The following ZNF883 variants were observed in gnomAD, a reference collection of about 807,000 sequenced individuals.
The protein encoded by ZNF883 is zinc finger protein 883.
chr9:113,006,097 T>TAA lies in ZNF883; in HGVS notation n.166-4026_166-4025dup, dbSNP rs33952027. Among the ~76,000 whole-genome samples, 260 of 144,380 alleles carry TAA rather than the reference T, an allele frequency of 1.8e-3. 1 individual carries two copies. Among genetic ancestry groups the TAA allele is most frequent in the African/African-American group, 6.3e-3 (245 of 39,108 alleles). 94.7% of individuals were successfully genotyped at this position (144,380 alleles called of 152,430 possible). On this transcript the variant is annotated intron_variant and non_coding_transcript_variant, in intron 2 of 4. Coordinates refer to the ZNF883 transcript ENST00000638622. ...CTCTAAAAGTTCAAGCATGAAAAAT[T>TAA]AAAAAAAAAAAAGAAACCAGCCTAA...
At chr9:112,997,046 C>G, downstream of ZNF883, 1 of 1,404,646 alleles carries the variant, frequency 7.1e-7, no homozygotes. Context: ...CATAACAATC[C>G]TAGGGTTGCT....
exon 1 of ZNF883, chr9:112,997,535 C>A: frequency 6.2e-7 from 1 of 1,614,136 alleles, no homozygotes; most frequent in African/African-American, 1.3e-5. Flanking sequence ...GGCCTTTCCA[C>A]ATGCATTACA....
upstream of ZNF883, among the ~76,000 whole-genome samples, chr9:113,001,451 T>C (rs1019052502): frequency 1.3e-5 from 2 of 152,084 alleles, no homozygotes; most frequent in Admixed American, 6.6e-5. Context: ...TCAAGAGATA[T>C]GTGAGAAGAT....
At chr9:112,996,604 A>C (rs1271477096), downstream of ZNF883, among the ~76,000 whole-genome samples, 5 of 150,604 alleles carry the variant, frequency 3.3e-5, no homozygotes, top group Non-Finnish European at 7.4e-5. Flanking sequence ...ATCCTGGCTA[A>C]CACGGTGAAA....
intron 1 of ZNF883, among the ~76,000 whole-genome samples, chr9:112,989,519 T>C (rs919812683): frequency 2.0e-5 from 3 of 152,252 alleles, no homozygotes. Context: ...GTTTGGTTAC[T>C]GTAGCCTCAT....
chr9:113,007,684 T>C (rs1828491863), intron 2 of ZNF883, among the ~76,000 whole-genome samples: 1 of 152,346 alleles, frequency 6.6e-6, no homozygotes, highest in South Asian at 2.1e-4. Flanking sequence ...CTTCTTGCTC[T>C]CTAAACCTCA....
chr9:112,993,444 G>A (rs1451581300), downstream of ZNF883, among the ~76,000 whole-genome samples: 1 of 152,206 alleles, frequency 6.6e-6, no homozygotes, highest in Non-Finnish European at 1.5e-5. Context: ...TTCTGTCTCA[G>A]AGGGGCACCA....
intron 2 of ZNF883, among the ~76,000 whole-genome samples, chr9:113,006,012 AAAC>A (rs1392921068): frequency 2.0e-5 from 3 of 152,262 alleles, no homozygotes; most frequent in Non-Finnish European, 2.9e-5. Context: ...AGGAGAAAGT[AAAC>A]AACAGGTAAC....
chr9:113,010,846 C>T (rs1367371411), intron 2 of ZNF883, among the ~76,000 whole-genome samples: 1 of 151,716 alleles, frequency 6.6e-6, no homozygotes, highest in Non-Finnish European at 1.5e-5. Flanking sequence ...ATTAGCCGGG[C>T]GTGGTGGTGC....
At chr9:113,008,547 TCA>T (rs899939070) in intron 2 of ZNF883, among the ~76,000 whole-genome samples, 1 of 152,194 alleles carries the variant, frequency 6.6e-6, no homozygotes, top group African/African-American at 2.4e-5. Flanking sequence ...TGGATTTCTC[TCA>T]CAGTAAATTA....
chr9:113,000,966 A>G (rs1296796505), upstream of ZNF883, among the ~76,000 whole-genome samples: 1 of 152,180 alleles, frequency 6.6e-6, no homozygotes, highest in Non-Finnish European at 1.5e-5. Context: ...GAGCAAGTGA[A>G]GTTAACAAAA....
chr9:113,009,635 G>A (rs10981596), intron 2 of ZNF883, among the ~76,000 whole-genome samples: 22,473 of 151,780 alleles, frequency 0.15, 2,306 homozygotes, highest in African/African-American at 0.29. Flanking sequence ...TCAGCCTCCC[G>A]AGTAGCTGGG....
At chr9:113,012,007 T>A (rs886737879) in intron 1 of ZNF883, 143 bp downstream of exon 1, 1 of 152,476 alleles carries the variant, frequency 6.6e-6, no homozygotes, top group Non-Finnish European at 1.5e-5. Flanking sequence ...ATACCCAGCC[T>A]GACCTAATCG....
downstream of ZNF883, among the ~76,000 whole-genome samples, chr9:112,992,788 C>A (rs192737936): frequency 6.6e-6 from 1 of 152,116 alleles, no homozygotes; most frequent in Non-Finnish European, 1.5e-5. Flanking sequence ...TCTTTTTTCT[C>A]TAATCTTGTC....
chr9:112,998,271 T>C (rs751392732), upstream of ZNF883: 2 of 1,496,212 alleles, frequency 1.3e-6, no homozygotes, highest in East Asian at 4.6e-5. Flanking sequence ...AGTACTGAAC[T>C]ATGGCTTTAC....
chr9:113,006,109 AG>A (rs1439773462), intron 2 of ZNF883, among the ~76,000 whole-genome samples: 24 of 151,668 alleles, frequency 1.6e-4, no homozygotes, highest in Admixed American at 1.4e-3. Context: ...AAAAAAAAAA[AG>A]AAACCAGCCT....
chr9:112,992,847 C>T (rs1031204488), downstream of ZNF883, among the ~76,000 whole-genome samples: 1 of 152,152 alleles, frequency 6.6e-6, no homozygotes, highest in African/African-American at 2.4e-5. Context: ...AAATTCTTTT[C>T]TCCAGTCTAT....
downstream of ZNF883, among the ~76,000 whole-genome samples, chr9:112,995,779 C>A (rs1156573357): frequency 1.3e-5 from 2 of 152,068 alleles, no homozygotes; most frequent in Non-Finnish European, 2.9e-5. Flanking sequence ...AACCTTAGTA[C>A]TGACTTTACT....
chr9:113,007,931 G>GA (rs1214017861), intron 2 of ZNF883, among the ~76,000 whole-genome samples: 3 of 148,768 alleles, frequency 2.0e-5, no homozygotes, highest in African/African-American at 7.8e-5. Flanking sequence ...AAAAGAAAAA[G>GA]AAGGAAAAGG....
Sources: allele counts gnomAD v4.1 joint callset (sites outside exome capture counted in the v4.1 genomes callset), GRCh38; gene constraint gnomAD v4.1.1; transcripts MANE v1.5; gene names NCBI Gene and HGNC (gene_info 2026-07-23, HGNC 2026-07-21).